TOP6BL: variants seen among roughly 807,000 people sequenced by gnomAD.
TOP6BL encodes the protein type 2 DNA topoisomerase 6 subunit B-like.
the TOP6BL span, chr11:66,839,338 C>A: frequency 5.7e-5 from 22 of 383,978 alleles, 1 homozygote; most frequent in South Asian, 4.2e-4. Flanking sequence ...AATAAACTTA[C>A]CCAAGGCTAC....
chr11:66,799,225 A>AAAAT, the TOP6BL span, among the ~76,000 whole-genome samples: 1 of 151,082 alleles, frequency 6.6e-6, no homozygotes, highest in Non-Finnish European at 1.5e-5. Flanking sequence ...AAAAAAAAAA[A>AAAAT]AAATACAAAT....
At chr11:66,788,373 G>C in the TOP6BL span, 1 of 875,806 alleles carries the variant, frequency 1.1e-6, no homozygotes, top group South Asian at 1.8e-5. Flanking sequence ...GTTCCAAGCT[G>C]GAATGAAATA....
At chr11:66,824,420 TTTATTATTATTATTATTATTA>T in the TOP6BL span, among the ~76,000 whole-genome samples, 26 of 140,760 alleles carry the variant, frequency 1.8e-4, no homozygotes, top group Non-Finnish European at 1.2e-4. Flanking sequence ...TAATTTTGTA[TTTATTATTATTATTATTATTA>T]TTATTATTAT....
chr11:66,800,756 T>G, the TOP6BL span: 1 of 1,395,136 alleles, frequency 7.2e-7, no homozygotes, highest in Non-Finnish European at 9.8e-7. Flanking sequence ...TTCTCAGCTA[T>G]TATTGTCCTA....
the TOP6BL span, chr11:66,801,089 C>T: frequency 6.2e-6 from 10 of 1,613,710 alleles, no homozygotes; most frequent in Non-Finnish European, 6.8e-6. Flanking sequence ...GGTCGACTCC[C>T]AGCATTATGT....
At chr11:66,802,567 G>A in the TOP6BL span, among the ~76,000 whole-genome samples, 1 of 152,062 alleles carries the variant, frequency 6.6e-6, no homozygotes, top group Non-Finnish European at 1.5e-5. Context: ...CAAAGAGCTG[G>A]GATTACAGAT....
At chr11:66,777,069 A>C in the TOP6BL span, among the ~76,000 whole-genome samples, 1 of 149,952 alleles carries the variant, frequency 6.7e-6, no homozygotes, top group Non-Finnish European at 1.5e-5. Flanking sequence ...ATATCTATAT[A>C]TCTATATCTA....
the TOP6BL span, among the ~76,000 whole-genome samples, chr11:66,777,617 G>A: frequency 4.6e-5 from 7 of 152,048 alleles, no homozygotes; most frequent in East Asian, 1.9e-4. Flanking sequence ...TTGGCCAGGC[G>A]TGGTGGCTCA....
At chr11:66,800,914 T>A in the TOP6BL span, 1 of 1,135,176 alleles carries the variant, frequency 8.8e-7, no homozygotes, top group African/African-American at 1.5e-5. Context: ...CTTGGTTAAT[T>A]AGTTACTGAA....
the TOP6BL span, chr11:66,800,657 G>A: frequency 1.2e-6 from 2 of 1,604,492 alleles, no homozygotes; most frequent in Non-Finnish European, 1.7e-6. Flanking sequence ...TTTCATTTCA[G>A]TGTAAAGGTA....
chr11:66,797,677 G>C, the TOP6BL span, among the ~76,000 whole-genome samples: 5 of 151,928 alleles, frequency 3.3e-5, no homozygotes, highest in Non-Finnish European at 7.4e-5. Context: ...GCTAATTTTT[G>C]TATTTTTAGT....
the TOP6BL span, among the ~76,000 whole-genome samples, chr11:66,825,600 G>C: frequency 1.3e-5 from 2 of 152,196 alleles, no homozygotes; most frequent in Admixed American, 1.3e-4. Context: ...ACCAGAACCT[G>C]ACCATGCTGG....
chr11:66,826,656 G>C, the TOP6BL span, among the ~76,000 whole-genome samples: 1 of 150,854 alleles, frequency 6.6e-6, no homozygotes, highest in African/African-American at 2.4e-5. Context: ...GATCTTGGGT[G>C]GGTCACTTCT....
the TOP6BL span, among the ~76,000 whole-genome samples, chr11:66,770,644 C>T: frequency 1.6e-4 from 25 of 152,318 alleles, no homozygotes; most frequent in Admixed American, 9.2e-4. Flanking sequence ...GTGGAGGTTA[C>T]AGTGAGCTGA....
At chr11:66,754,623 A>G in the TOP6BL span, among the ~76,000 whole-genome samples, 1 of 152,190 alleles carries the variant, frequency 6.6e-6, no homozygotes, top group Non-Finnish European at 1.5e-5. Flanking sequence ...TCTTCTCTTC[A>G]ATATCAATAT....
At chr11:66,772,900 C>T in the TOP6BL span, among the ~76,000 whole-genome samples, 2 of 152,138 alleles carry the variant, frequency 1.3e-5, no homozygotes, top group African/African-American at 4.8e-5. Context: ...ATTCTCTGTT[C>T]TTCAATTGCC....
At chr11:66,814,144 G>A in the TOP6BL span, 1 of 1,071,858 alleles carries the variant, frequency 9.3e-7, no homozygotes, top group African/African-American at 1.6e-5. Context: ...TGGGGTTTGG[G>A]GGTCAGGGTC....
chr11:66,788,420 G>A, the TOP6BL span: 1 of 597,028 alleles, frequency 1.7e-6, no homozygotes. Flanking sequence ...GCAGACATTA[G>A]ATCACCTAGG....
chr11:66,777,327 A>G, the TOP6BL span, among the ~76,000 whole-genome samples: 1 of 151,950 alleles, frequency 6.6e-6, no homozygotes, highest in Non-Finnish European at 1.5e-5. Context: ...AGGAGATTAT[A>G]CTGTGTGTTC....
Sources: allele counts gnomAD v4.1 joint callset (sites outside exome capture counted in the v4.1 genomes callset), GRCh38; gene constraint gnomAD v4.1.1; transcripts MANE v1.5; gene names NCBI Gene and HGNC (gene_info 2026-07-23, HGNC 2026-07-21).